Variants in RB1 observed in about 807,000 individuals in gnomAD.
The protein encoded by RB1 is retinoblastoma-associated protein.
RB1 carries 18 observed loss-of-function variants against 135.4 expected under a neutral mutation model. That is an observed-to-expected ratio of 0.13 (90% CI 0.09 to 0.20). The LOEUF (loss-of-function observed/expected upper bound fraction) is 0.20. Ranked by LOEUF, RB1 falls within the 10% of genes least tolerant of loss-of-function variation. The probability of loss-of-function intolerance (pLI) is 1.00; values close to 1 mark genes in which losing one functional copy is unlikely to be tolerated. For synonymous variants in RB1, 365 were observed against 373.2 expected, an observed-to-expected ratio of 0.98 and a Z score of 0.25; for missense variants, 868 against 1,110.0, an observed-to-expected ratio of 0.78 and a Z score of 3.10.
intron 17 of RB1, among the ~76,000 whole-genome samples, chr13:48,384,911 T>A (rs1362667123): frequency 6.6e-6 from 1 of 152,172 alleles, no homozygotes; most frequent in African/African-American, 2.4e-5. Flanking sequence ...AATCTCATTC[T>A]CTGAAAAGTT....
At chr13:48,343,892 A>G (rs1952469316) in intron 3 of RB1, among the ~76,000 whole-genome samples, 1 of 151,902 alleles carries the variant, frequency 6.6e-6, no homozygotes, top group Admixed American at 6.5e-5. Flanking sequence ...TTTCTGTATC[A>G]TAGGAACTTT....
At chr13:48,317,208 C>A in intron 2 of RB1, 2 of 461,002 alleles carry the variant, frequency 4.3e-6, no homozygotes, top group Non-Finnish European at 7.3e-6. Context: ...AAGAGGCTGG[C>A]CTGCCTGCCC....
chr13:48,357,720 C>T (rs928175297), intron 6 of RB1, among the ~76,000 whole-genome samples: 35 of 152,006 alleles, frequency 2.3e-4, no homozygotes, highest in Admixed American at 1.6e-3. Flanking sequence ...GGCACGTTTA[C>T]ATTTCATATA....
intron 21 of RB1, among the ~76,000 whole-genome samples, chr13:48,464,665 T>C (rs1387048643): frequency 6.6e-6 from 1 of 152,178 alleles, no homozygotes; most frequent in Non-Finnish European, 1.5e-5. Context: ...TTGATTCCCA[T>C]CATGCTTTCC....
chr13:48,403,626 C>T (rs1398979268), intron 17 of RB1, among the ~76,000 whole-genome samples: 1 of 152,032 alleles, frequency 6.6e-6, no homozygotes, highest in Non-Finnish European at 1.5e-5. Flanking sequence ...TGGCAATGGT[C>T]CTCAAACTTG....
Position 48,476,794 on chromosome 13 carries a change from C to T in RB1, c.2614C>T (p.Leu872=), listed in dbSNP as rs763673051. Reference sequence around the variant, plus strand: ...TGAAGGAAGCAACCCTCCTAAACCACTGAAAAAACTACGCTTTGATATTGA... The same window carrying T: ...TGAAGGAAGCAACCCTCCTAAACCATTGAAAAAACTACGCTTTGATATTGA... The part of the protein sequence containing the change: ...SAEGSNPPKP[L]KKLRFDIEGS... The change falls in exon 25 of 27, where the codon CTG becomes TTG. Residue 872 remains leucine (L), a synonymous_variant. Coordinates refer to ENST00000267163, the MANE Select transcript of RB1 (RefSeq NM_000321.3). 1 of 1,613,586 alleles carries T rather than the reference C, an allele frequency of 6.2e-7. No homozygotes were observed. Among genetic ancestry groups the T allele is most frequent in the Non-Finnish European group, 8.5e-7 (1 of 1,179,692 alleles).
intron 1 of RB1, among the ~76,000 whole-genome samples, chr13:48,306,153 C>G (rs1265396442): frequency 6.6e-6 from 1 of 152,112 alleles, no homozygotes; most frequent in Non-Finnish European, 1.5e-5. Context: ...GCCTGTAATG[C>G]CAGCACTTTG....
At chr13:48,404,323 G>T (rs1378419152) in intron 17 of RB1, 1 of 152,092 alleles carries the variant, frequency 6.6e-6, no homozygotes, top group Non-Finnish European at 1.5e-5. Flanking sequence ...ACAAAGTATT[G>T]TACTGGTAGG....
chr13:48,456,123 G>T (rs962708811), intron 18 of RB1, 81 bp from the exon 19 acceptor site: 2 of 1,587,470 alleles, frequency 1.3e-6, no homozygotes, highest in African/African-American at 2.7e-5. Flanking sequence ...GATGTATCTG[G>T]GTGTACAACC....
chr13:48,376,398 G>A (rs1435588615), intron 12 of RB1, among the ~76,000 whole-genome samples: 5 of 151,696 alleles, frequency 3.3e-5, no homozygotes, highest in African/African-American at 1.2e-4. Flanking sequence ...TACTTGGGAT[G>A]CTGAGGCAGG....
At chr13:48,349,995 T>A (rs1161442857) in intron 6 of RB1, among the ~76,000 whole-genome samples, 3 of 152,134 alleles carry the variant, frequency 2.0e-5, no homozygotes, top group Non-Finnish European at 4.4e-5. Flanking sequence ...GATATAACAG[T>A]GTTAAATATT....
chr13:48,405,233 A>G (rs1948729457), intron 17 of RB1, among the ~76,000 whole-genome samples: 1 of 152,204 alleles, frequency 6.6e-6, no homozygotes, highest in Non-Finnish European at 1.5e-5. Context: ...TCAACAACAA[A>G]ATGGTTTCTT....
At chr13:48,363,074 C>A in intron 8 of RB1, 117 bp downstream of exon 8, 1 of 1,255,622 alleles carries the variant, frequency 8.0e-7, no homozygotes. Context: ...AGTGCTAACT[C>A]TTTTGCAGTA....
chr13:48,393,763 T>A (rs1213708823), intron 17 of RB1, among the ~76,000 whole-genome samples: 2 of 152,046 alleles, frequency 1.3e-5, no homozygotes, highest in Non-Finnish European at 2.9e-5. Context: ...AGTTATTAAC[T>A]ATTTTTTTGT....
intron 14 of RB1, 49 bp from the exon 15 acceptor site, chr13:48,380,004 G>A (rs1165585432): frequency 3.7e-6 from 4 of 1,078,158 alleles, no homozygotes; most frequent in African/African-American, 1.7e-5. Flanking sequence ...ACACAAATAA[G>A]GTTTCAATTA....
chr13:48,313,859 C>T (rs1267509183), intron 2 of RB1, among the ~76,000 whole-genome samples: 1 of 148,500 alleles, frequency 6.7e-6, no homozygotes, highest in African/African-American at 2.5e-5. Flanking sequence ...TGCCATTCTC[C>T]TGCCTCAGCC....
chr13:48,323,368 T>C (rs1373631330), intron 2 of RB1, among the ~76,000 whole-genome samples: 2 of 152,090 alleles, frequency 1.3e-5, no homozygotes, highest in Non-Finnish European at 2.9e-5. Flanking sequence ...GTAGTAATTT[T>C]TTTTTATTTC....
intron 17 of RB1, among the ~76,000 whole-genome samples, chr13:48,407,124 C>T (rs1005277749): frequency 2.0e-5 from 3 of 152,156 alleles, no homozygotes; most frequent in Admixed American, 6.5e-5. Context: ...TTAACTGTAA[C>T]GCTGCTGTAA....
chr13:48,405,851 G>A (rs1272051961), intron 17 of RB1, among the ~76,000 whole-genome samples: 9 of 151,898 alleles, frequency 5.9e-5, no homozygotes, highest in Admixed American at 5.9e-4. Context: ...AGGTATGCAC[G>A]TTTTATTTTG....
Sources: allele counts gnomAD v4.1 joint callset (sites outside exome capture counted in the v4.1 genomes callset), GRCh38; gene constraint gnomAD v4.1.1; transcripts MANE v1.5; gene names NCBI Gene and HGNC (gene_info 2026-07-23, HGNC 2026-07-21).